Variants in KHDRBS3 observed in about 807,000 individuals in gnomAD.
KHDRBS3 encodes KH domain-containing, RNA-binding, signal transduction-associated protein 3.
KHDRBS3 carries 23 observed loss-of-function variants against 45.6 expected under a neutral mutation model. That is an observed-to-expected ratio of 0.50 (90% CI 0.36 to 0.72). KHDRBS3 has a LOEUF of 0.72. Among genes scored for constraint, KHDRBS3 ranks in the 30% least tolerant of loss-of-function variants. KHDRBS3 has a pLI of 0.00. For missense variants in KHDRBS3, 352 were observed against 424.8 expected, an observed-to-expected ratio of 0.83 and a Z score of 1.51; for synonymous variants, 162 against 156.5, an observed-to-expected ratio of 1.04 and a Z score of -0.26.
At chr8:135,517,693 T>G (rs1036065623) in intron 1 of KHDRBS3, among the ~76,000 whole-genome samples, 3 of 152,212 alleles carry the variant, frequency 2.0e-5, no homozygotes, top group Non-Finnish European at 4.4e-5. Flanking sequence ...AAGTACAGCA[T>G]TCATGATTTA....
chr8:135,615,589 G>A (rs1234312715), intron 7 of KHDRBS3, among the ~76,000 whole-genome samples: 1 of 152,112 alleles, frequency 6.6e-6, no homozygotes, highest in African/African-American at 2.4e-5. Context: ...GATTTCAGAT[G>A]CTACATGGGC....
chr8:135,611,500 T>A lies in KHDRBS3; in HGVS notation c.890+4463T>A, dbSNP rs1563805204. ...AAATGGTTCTATGCACCATATTAGT[T>A]TACTATATGGGGCTGCCATAATAAA... On this transcript the variant is annotated intron_variant, in intron 7 of 8. Transcript: ENST00000355849. Among the ~76,000 whole-genome samples the A allele has an allele frequency of 5.9e-5, 9 of 151,946 alleles. No homozygotes were observed. In the East Asian group the frequency reaches 1.7e-3, roughly 29 times the overall value.
At chr8:135,583,966 G>T (rs902313754) in intron 6 of KHDRBS3, among the ~76,000 whole-genome samples, 2 of 152,118 alleles carry the variant, frequency 1.3e-5, no homozygotes, top group Non-Finnish European at 2.9e-5. Context: ...GATAGGAAAG[G>T]CATTAAAACA....
chr8:135,620,454 A>T (rs576328727), intron 7 of KHDRBS3, among the ~76,000 whole-genome samples: 1 of 152,134 alleles, frequency 6.6e-6, no homozygotes, highest in East Asian at 1.9e-4. Flanking sequence ...ATCTCAGGTC[A>T]CTCACTCATG....
chr8:135,496,791 G>A lies in KHDRBS3; in HGVS notation c.89-24446G>A, dbSNP rs543129020. On this transcript the variant is annotated intron_variant, in intron 1 of 8. Transcript: ENST00000355849. Reference sequence around the variant, plus strand: ...ATGGCTCATCCCATGGCTGCTGGTCGGCTGGTGGTCAGTGGCTGGGAACTC... The same window carrying A: ...ATGGCTCATCCCATGGCTGCTGGTCAGCTGGTGGTCAGTGGCTGGGAACTC... 1.1e-4 allele frequency among the ~76,000 whole-genome samples: 17 copies of A among 152,310 alleles called. No homozygotes were observed. In the South Asian group the frequency reaches 2.1e-3, roughly 19 times the overall value.
intron 7 of KHDRBS3, among the ~76,000 whole-genome samples, chr8:135,636,467 G>T (rs1014107228): frequency 6.6e-6 from 1 of 152,180 alleles, no homozygotes; most frequent in Non-Finnish European, 1.5e-5. Flanking sequence ...TCAGTATAGT[G>T]AGAAAGACAC....
At chr8:135,637,892 A>G (rs1309006281) in intron 7 of KHDRBS3, among the ~76,000 whole-genome samples, 1 of 152,242 alleles carries the variant, frequency 6.6e-6, no homozygotes, top group African/African-American at 2.4e-5. Context: ...ACTGAAAAGG[A>G]CTTTTAAGAA....
chr8:135,610,490 A>G (rs540945538), intron 7 of KHDRBS3, among the ~76,000 whole-genome samples: 1 of 151,912 alleles, frequency 6.6e-6, no homozygotes, highest in South Asian at 2.1e-4. Flanking sequence ...TGTGCTAGGC[A>G]TTATGCTTGA....
chr8:135,591,838 G>C (rs1281919634), intron 6 of KHDRBS3, among the ~76,000 whole-genome samples: 1 of 152,182 alleles, frequency 6.6e-6, no homozygotes, highest in African/African-American at 2.4e-5. Context: ...GACGGGAGTT[G>C]TACTGACGGC....
chr8:135,542,365 C>G (rs1437873275), intron 2 of KHDRBS3: 1 of 321,970 alleles, frequency 3.1e-6, no homozygotes, highest in Non-Finnish European at 5.7e-6. Context: ...TGTGCTGAAA[C>G]TGTTAGGATA....
intron 1 of KHDRBS3, among the ~76,000 whole-genome samples, chr8:135,497,601 T>C (rs1204183838): frequency 1.3e-5 from 2 of 152,146 alleles, no homozygotes; most frequent in African/African-American, 4.8e-5. Context: ...ATTATAAGGT[T>C]ATTAGGACAA....
rs146718245 is a variant in KHDRBS3 at position 135,465,153 on chromosome 8, G to C, written c.88+7199G>C. Among the ~76,000 whole-genome samples, 8 of 152,312 alleles carry C rather than the reference G, an allele frequency of 5.3e-5. No homozygotes were observed. In the East Asian group the frequency reaches 1.5e-3, roughly 29 times the overall value. On this transcript the variant is annotated intron_variant, in intron 1 of 8. Transcript: ENST00000355849. Reference sequence around the variant, plus strand: ...AACAAGGAATGAGCTGGTGCAGAAAGAGCCATGTGATTACAGGTGACAGCT... The same window carrying C: ...AACAAGGAATGAGCTGGTGCAGAAACAGCCATGTGATTACAGGTGACAGCT...
chr8:135,534,035 A>G (rs1311029789), intron 2 of KHDRBS3, among the ~76,000 whole-genome samples: 1 of 152,198 alleles, frequency 6.6e-6, no homozygotes, highest in Non-Finnish European at 1.5e-5. Context: ...TAAAGTCAAA[A>G]AATCCTAAGT....
chr8:135,473,296 C>CT (rs1002261709), intron 1 of KHDRBS3, among the ~76,000 whole-genome samples: 2 of 152,178 alleles, frequency 1.3e-5, no homozygotes, highest in Non-Finnish European at 2.9e-5. Context: ...TTGGTTCACA[C>CT]TTTCCATTTA....
At chr8:135,601,016 CT>C (rs2131002377) in intron 6 of KHDRBS3, among the ~76,000 whole-genome samples, 1 of 152,260 alleles carries the variant, frequency 6.6e-6, no homozygotes, top group South Asian at 2.1e-4. Context: ...AAGGAAATTC[CT>C]TAGGTTGCTT....
intron 4 of KHDRBS3, among the ~76,000 whole-genome samples, chr8:135,654,942 G>A (rs757705164): frequency 1.3e-5 from 2 of 152,116 alleles, no homozygotes; most frequent in Non-Finnish European, 2.9e-5. Flanking sequence ...TCTTCTCTCC[G>A]CATGAGAATC....
intron 2 of KHDRBS3, among the ~76,000 whole-genome samples, chr8:135,536,829 G>A (rs191368681): frequency 0.11 from 16,041 of 149,738 alleles, 960 homozygotes; most frequent in East Asian, 0.18. Context: ...GCGCGGTGGC[G>A]GGCGCCTGTA....
intron 7 of KHDRBS3, among the ~76,000 whole-genome samples, chr8:135,621,619 T>G (rs144396134): frequency 6.6e-5 from 10 of 152,218 alleles, no homozygotes; most frequent in Non-Finnish European, 1.2e-4. Context: ...GAGTTATTGT[T>G]TAGTGGGTAG....
At chr8:135,607,208 C>T (rs1157725525) in intron 7 of KHDRBS3, among the ~76,000 whole-genome samples, 171 bp downstream of exon 7, 3 of 152,050 alleles carry the variant, frequency 2.0e-5, no homozygotes, top group African/African-American at 7.2e-5. Flanking sequence ...CATGTATTAC[C>T]CTACCCAAGT....
Sources: gnomAD v4.1 joint callset for allele counts (sites outside exome capture counted in the v4.1 genomes callset) on GRCh38, gnomAD v4.1.1 for gene constraint, MANE v1.5 for transcripts, NCBI Gene and HGNC (gene_info 2026-07-23, HGNC 2026-07-21) for gene names.